The following ZMAT4 variants were observed in gnomAD, a reference collection of about 807,000 sequenced individuals.
ZMAT4 encodes zinc finger matrin-type protein 4.
A neutral mutation model predicts 28.7 loss-of-function variants in ZMAT4; 17 were observed. The ratio of observed to expected loss-of-function variants is 0.59; its 90% CI spans 0.41 to 0.89. The LOEUF (loss-of-function observed/expected upper bound fraction) is 0.89. Ranked by LOEUF, ZMAT4 falls within the 40% of genes least tolerant of loss-of-function variation. ZMAT4 has a pLI of 0.00. For missense variants in ZMAT4, 240 were observed against 283.8 expected (o/e 0.85, Z 1.11); for synonymous variants, 117 against 109.2 (o/e 1.07, Z -0.44).
intron 5 of ZMAT4, among the ~76,000 whole-genome samples, chr8:40,662,082 T>C (rs1386649046): frequency 1.3e-5 from 2 of 152,206 alleles, no homozygotes; most frequent in Non-Finnish European, 2.9e-5. Context: ...GCTCAAGTGA[T>C]TCTCCCAGTT....
chr8:40,847,081 T>C (rs572345270), intron 1 of ZMAT4, among the ~76,000 whole-genome samples: 4 of 151,994 alleles, frequency 2.6e-5, no homozygotes, highest in African/African-American at 9.7e-5. Context: ...GGCATGTGCC[T>C]GTAATCCCAG....
chr8:40,539,982 G>A (rs566203352), intron 6 of ZMAT4, among the ~76,000 whole-genome samples: 3 of 152,338 alleles, frequency 2.0e-5, no homozygotes, highest in African/African-American at 7.2e-5. Context: ...CCAACCTTTA[G>A]GGAGGAGAGG....
At chr8:40,628,777 A>G (rs1165136638) in intron 5 of ZMAT4, among the ~76,000 whole-genome samples, 3 of 152,194 alleles carry the variant, frequency 2.0e-5, no homozygotes, top group Non-Finnish European at 4.4e-5. Flanking sequence ...TTTACTTCCA[A>G]CATCACTTCT....
intron 2 of ZMAT4, among the ~76,000 whole-genome samples, chr8:40,821,028 T>C (rs961886090): frequency 6.6e-6 from 1 of 151,602 alleles, no homozygotes; most frequent in African/African-American, 2.4e-5. Flanking sequence ...GGTGCGTGTG[T>C]ATGTGTATGT....
At chr8:40,782,275 G>C (rs1404996898) in intron 2 of ZMAT4, among the ~76,000 whole-genome samples, 1 of 151,686 alleles carries the variant, frequency 6.6e-6, no homozygotes, top group Non-Finnish European at 1.5e-5. Flanking sequence ...AGTCCCAGCT[G>C]CTTGGAAGGC....
At chr8:40,840,898 A>C (rs1338208596) in intron 1 of ZMAT4, among the ~76,000 whole-genome samples, 2 of 152,138 alleles carry the variant, frequency 1.3e-5, no homozygotes, top group Non-Finnish European at 2.9e-5. Flanking sequence ...TATTTCAATA[A>C]CACTTCCTAC....
chr8:40,838,368 G>A (rs1232383966), intron 1 of ZMAT4, among the ~76,000 whole-genome samples: 1 of 152,056 alleles, frequency 6.6e-6, no homozygotes, highest in Admixed American at 6.6e-5. Context: ...CCTGAGACAG[G>A]GTCTTGCTCT....
intron 5 of ZMAT4, among the ~76,000 whole-genome samples, chr8:40,583,406 C>A (rs763170127): frequency 6.6e-6 from 1 of 152,066 alleles, no homozygotes; most frequent in Non-Finnish European, 1.5e-5. Context: ...AGATACTACC[C>A]AAAAGGGCTG....
intron 5 of ZMAT4, among the ~76,000 whole-genome samples, chr8:40,583,478 C>G (rs1804561213): frequency 6.6e-6 from 1 of 152,128 alleles, no homozygotes; most frequent in Non-Finnish European, 1.5e-5. Context: ...CCTGGCTAAT[C>G]TAGGTGCTTA....
At chr8:40,796,630 G>A (rs532659228) in intron 2 of ZMAT4, among the ~76,000 whole-genome samples, 1 of 152,292 alleles carries the variant, frequency 6.6e-6, no homozygotes, top group South Asian at 2.1e-4. Context: ...GCACTACTTA[G>A]AATGATATCT....
intron 5 of ZMAT4, among the ~76,000 whole-genome samples, chr8:40,584,411 A>G (rs1804595172): frequency 6.6e-6 from 1 of 152,120 alleles, no homozygotes; most frequent in East Asian, 1.9e-4. Flanking sequence ...GGAGGAGGGG[A>G]CAATTAACTT....
intron 2 of ZMAT4, among the ~76,000 whole-genome samples, chr8:40,793,213 GCTCAATT>G (rs1814438229): frequency 1.3e-5 from 2 of 152,230 alleles, no homozygotes; most frequent in Non-Finnish European, 2.9e-5. Flanking sequence ...GGGTACTTTC[GCTCAATT>G]TTTTGTAAAC....
At chr8:40,767,863 G>A in intron 2 of ZMAT4, 133 bp from the exon 3 acceptor site, 1 of 648,310 alleles carries the variant, frequency 1.5e-6, no homozygotes, top group Non-Finnish European at 2.5e-6. Context: ...TCCTGTGAGG[G>A]ATGTAGGATG....
chr8:40,897,158 T>C (rs912825953), intron 1 of ZMAT4, among the ~76,000 whole-genome samples: 3 of 151,828 alleles, frequency 2.0e-5, no homozygotes, highest in African/African-American at 7.3e-5. Context: ...GGGGAATGTC[T>C]CCTTCCACCA....
chr8:40,644,617 T>G (rs1411367945), intron 5 of ZMAT4, among the ~76,000 whole-genome samples: 1 of 152,184 alleles, frequency 6.6e-6, no homozygotes, highest in African/African-American at 2.4e-5. Context: ...CATGCAGAAT[T>G]ATTTTGAATA....
At chr8:40,804,803 T>G (rs1450215454) in intron 2 of ZMAT4, among the ~76,000 whole-genome samples, 1 of 152,090 alleles carries the variant, frequency 6.6e-6, no homozygotes, top group Non-Finnish European at 1.5e-5. Context: ...ATCGGGCCAT[T>G]GCACTCCAGC....
At chr8:40,534,952 G>A (rs1802800915) in intron 6 of ZMAT4, among the ~76,000 whole-genome samples, 1 of 151,842 alleles carries the variant, frequency 6.6e-6, no homozygotes, top group Non-Finnish European at 1.5e-5. Context: ...CAAAGCGCTG[G>A]GATTACAGGT....
chr8:40,800,530 T>C (rs953190119), intron 2 of ZMAT4, among the ~76,000 whole-genome samples: 1 of 152,076 alleles, frequency 6.6e-6, no homozygotes, highest in Non-Finnish European at 1.5e-5. Context: ...AAAATCATAA[T>C]AGAAATAATA....
chr8:40,816,157 A>C (rs780860054), intron 2 of ZMAT4, among the ~76,000 whole-genome samples: 1 of 152,194 alleles, frequency 6.6e-6, no homozygotes, highest in Non-Finnish European at 1.5e-5. Context: ...AGAAGAAAAC[A>C]TGCGATTGAG....
Sources: allele counts gnomAD v4.1 joint callset (sites outside exome capture counted in the v4.1 genomes callset), GRCh38; gene constraint gnomAD v4.1.1; transcripts MANE v1.5; gene names NCBI Gene and HGNC (gene_info 2026-07-23, HGNC 2026-07-21).